C17orf99: variants seen among roughly 807,000 people sequenced by gnomAD.
The protein encoded by C17orf99 is chromosome 17 open reading frame 99, also known as protein IL-40.
In C17orf99, 18 loss-of-function variants were observed where a neutral mutation model predicts 22.6. The ratio of observed to expected loss-of-function variants is 0.80; its 90% CI spans 0.55 to 1.18. The LOEUF is 1.18. C17orf99 is among the 50% of genes most tolerant of loss of function. C17orf99 has a pLI of 0.00. For missense variants in C17orf99, 328 were observed against 342.7 expected, an observed-to-expected ratio of 0.96 and a Z score of 0.34; for synonymous variants, 147 against 136.6, an observed-to-expected ratio of 1.08 and a Z score of -0.53.
intron 3 of C17orf99, among the ~76,000 whole-genome samples, chr17:78,161,918 CA>C (rs1341382375): frequency 6.6e-6 from 1 of 151,852 alleles, no homozygotes; most frequent in Admixed American, 6.6e-5. Flanking sequence ...ACAGCAGTGT[CA>C]GGGGTGGGGT....
chr17:78,146,714 G>A lies in C17orf99; in HGVS notation c.38-165G>A, dbSNP rs748708. ...GAGAGGCGATGTTGTGGGGGGAGGG[G>A]CGCAAAAGAGCTTTTGTGAGTGATG... is the stretch of plus-strand genomic sequence containing the variant. On this transcript the variant is annotated intron_variant, in intron 1 of 4. Transcript: ENST00000340363. The surrounding 1 kb of genome is among the most constrained non-coding windows in gnomAD (Gnocchi z 5.2). 85,450 of 695,788 alleles carry A rather than the reference G, an allele frequency of 0.12. 5,590 individuals are homozygous for A. The highest frequency in any genetic ancestry group is 0.18 in the Middle Eastern group (638 of 3,516). The allele number at this position is 695,788 out of a possible 1,614,324, so 43.1% of individuals were successfully genotyped here. A position where few individuals can be genotyped will look rare whatever the true frequency, so the allele number is the denominator to read the frequency against.
At chr17:78,149,054 G>C (rs536901729) in intron 2 of C17orf99, among the ~76,000 whole-genome samples, 41 of 152,250 alleles carry the variant, frequency 2.7e-4, no homozygotes, top group Non-Finnish European at 4.4e-4. Context: ...GCGCCAAGCC[G>C]GGCGCAGCTG....
At chr17:78,165,165 G>C in intron 4 of C17orf99, 1 of 1,004,760 alleles carries the variant, frequency 1.0e-6, no homozygotes, top group Non-Finnish European at 1.2e-6. Flanking sequence ...CTGAGTGCAG[G>C]CACCACAGGC....
At chr17:78,155,740 C>T (rs1389268369) in intron 2 of C17orf99, among the ~76,000 whole-genome samples, 3 of 152,006 alleles carry the variant, frequency 2.0e-5, no homozygotes, top group African/African-American at 7.2e-5. Flanking sequence ...GATTCTCTGG[C>T]CTCAGTCTTC....
At chr17:78,157,019 A>G (rs138189764) in intron 2 of C17orf99, among the ~76,000 whole-genome samples, 99 of 141,680 alleles carry the variant, frequency 7.0e-4, no homozygotes, top group African/African-American at 2.3e-3. Flanking sequence ...TTCACATAAC[A>G]AAAAGTCAAC....
Position 78,146,991 on chromosome 17 carries a change from C to T in C17orf99, c.70+80C>T, listed in dbSNP as rs770467911. ...AGAACCCCCATGGTGGAGGGCGCCT[C>T]GGCTGGGAAGGGAGTTACTAGTGGG... On this transcript the variant is annotated intron_variant, in intron 2 of 4. Coordinates refer to ENST00000340363, the MANE Select transcript of C17orf99 (RefSeq NM_001163075.2). The surrounding 1 kb of genome is among the most constrained non-coding windows in gnomAD (Gnocchi z 5.2). 2.5e-5 allele frequency: 33 copies of T among 1,312,474 alleles called. No individual in the cohort carries two copies. Among genetic ancestry groups the T allele is most frequent in the Non-Finnish European group, 3.1e-5 (29 of 930,042 alleles). The allele number at this position is 1,312,474 out of a possible 1,614,324, so 81.3% of individuals were successfully genotyped here.
intron 2 of C17orf99, among the ~76,000 whole-genome samples, chr17:78,157,051 C>T (rs1319135258): frequency 6.6e-6 from 1 of 151,878 alleles, no homozygotes; most frequent in Non-Finnish European, 1.5e-5. Flanking sequence ...GATAATTGGC[C>T]GTGCACGGTG....
intron 2 of C17orf99, among the ~76,000 whole-genome samples, chr17:78,148,107 C>CA (rs2075449855): frequency 6.6e-6 from 1 of 151,820 alleles, no homozygotes; most frequent in South Asian, 2.1e-4. Context: ...AAAATAAGAA[C>CA]ATTCAGTGGC....
intron 2 of C17orf99, among the ~76,000 whole-genome samples, chr17:78,151,209 A>G (rs1329118491): frequency 2.0e-5 from 3 of 148,512 alleles, no homozygotes; most frequent in African/African-American, 7.5e-5. Context: ...CGGATCACCT[A>G]AGGTCAGATG....
rs373005933 is a variant in C17orf99 at position 78,159,431 on chromosome 17, G to A, written c.71-1524G>A. Among the ~76,000 whole-genome samples, 12 of 152,156 alleles carry A rather than the reference G, an allele frequency of 7.9e-5. No individual in the cohort carries two copies. In the East Asian group the frequency reaches 1.2e-3, roughly 15 times the overall value. Reference sequence around the variant, plus strand: ...AGGTGGCCAGACCACCTGAGGTCTCGAGTTCAAGACCAGTCTGGCCAACAT... The same window carrying A: ...AGGTGGCCAGACCACCTGAGGTCTCAAGTTCAAGACCAGTCTGGCCAACAT... On this transcript the variant is annotated intron_variant, in intron 2 of 4. Coordinates refer to ENST00000340363, the MANE Select transcript of C17orf99 (RefSeq NM_001163075.2).
intron 4 of C17orf99, chr17:78,165,668 G>T: frequency 1.1e-6 from 1 of 898,960 alleles, no homozygotes; most frequent in Non-Finnish European, 1.4e-6. Context: ...CGGGCGTGGT[G>T]GTGCGCACCT....
chr17:78,150,395 T>C (rs1393888090), intron 2 of C17orf99, among the ~76,000 whole-genome samples: 3 of 152,146 alleles, frequency 2.0e-5, no homozygotes, highest in Admixed American at 2.0e-4. Context: ...CCTCCCTCTT[T>C]AGCCTCCCGA....
intron 3 of C17orf99, among the ~76,000 whole-genome samples, chr17:78,161,466 C>T (rs1038698758): frequency 6.6e-6 from 1 of 152,128 alleles, no homozygotes; most frequent in Non-Finnish European, 1.5e-5. Flanking sequence ...CCTGAGGGCA[C>T]AGTCTCCTGG....
At position 78,146,402 on chromosome 17, in the gene C17orf99, C is replaced by T. The variant is rs759916923; in HGVS notation, c.-6C>T. The stretch of plus-strand genomic sequence containing the variant: ...GCCCGAGCAGAGGCCCTACACCCAC[C>T]GAGGCATGGGGCTCCCTGGGCTGTT... On this transcript the variant is annotated 5_prime_UTR_variant, in exon 1 of 5. Coordinates refer to ENST00000340363, the MANE Select transcript of C17orf99 (RefSeq NM_001163075.2). The surrounding 1 kb of genome is among the most constrained non-coding windows in gnomAD (Gnocchi z 5.2). 14 of 1,550,110 alleles carry T rather than the reference C, an allele frequency of 9.0e-6. No individual in the cohort carries two copies. The African/African-American group carries it at 1.1e-4, about 12-fold the overall frequency.
At position 78,166,184 on chromosome 17, in the gene C17orf99, CTA is replaced by C. The variant is rs2075616695; in HGVS notation, c.*140_*141del. 2.6e-6 allele frequency: 1 copy of C among 387,202 alleles called. No homozygotes were observed. Among genetic ancestry groups the C allele is most frequent in the Non-Finnish European group, 4.5e-6 (1 of 223,450 alleles). 24.0% of individuals were successfully genotyped at this position (387,202 alleles called of 1,614,324 possible). A position where few individuals can be genotyped will look rare whatever the true frequency, so the allele number is the denominator to read the frequency against. On this transcript the variant is annotated 3_prime_UTR_variant, in exon 5 of 5. Transcript: ENST00000340363. The stretch of plus-strand genomic sequence containing the variant: ...AAAAAAAAAAAAAAAAAAAGGGTAA[CTA>C]TGAGAGATGGTGGATATGTTAACTT...
At chr17:78,165,357 T>C in intron 4 of C17orf99, 1 of 985,626 alleles carries the variant, frequency 1.0e-6, no homozygotes, top group Non-Finnish European at 1.2e-6. Flanking sequence ...ACCAAGTCTG[T>C]TCTTTCCAGA....
chr17:78,152,959 G>C (rs958276073), intron 2 of C17orf99, among the ~76,000 whole-genome samples: 4 of 151,870 alleles, frequency 2.6e-5, no homozygotes, highest in Non-Finnish European at 4.4e-5. Flanking sequence ...GCATGCACCT[G>C]TAATACCAGC....
intron 3 of C17orf99, among the ~76,000 whole-genome samples, chr17:78,162,468 A>C (rs2075585712): frequency 6.6e-6 from 1 of 151,912 alleles, no homozygotes; most frequent in East Asian, 1.9e-4. Flanking sequence ...AGGGTGGGAC[A>C]AGGAATCGCC....
At chr17:78,163,595 G>A (rs896382356) in intron 3 of C17orf99, among the ~76,000 whole-genome samples, 1 of 152,296 alleles carries the variant, frequency 6.6e-6, no homozygotes, top group Non-Finnish European at 1.5e-5. Context: ...GGCCGGGCAC[G>A]GTGGCTCACG....
Sources: gnomAD v4.1 joint callset for allele counts (sites outside exome capture counted in the v4.1 genomes callset) on GRCh38, gnomAD v4.1.1 for gene constraint, Gnocchi (gnomAD v3.1) non-coding constraint, MANE v1.5 for transcripts, NCBI Gene and HGNC (gene_info 2026-07-23, HGNC 2026-07-21) for gene names.